The following CHODL variants were observed in gnomAD, a reference collection of about 807,000 sequenced individuals.
CHODL encodes the protein transmembrane protein MT75.
Under a neutral mutation model 34.5 loss-of-function variants are expected in CHODL, and 29 were observed. The ratio of observed to expected loss-of-function variants is 0.84; its 90% CI spans 0.63 to 1.15. The LOEUF (loss-of-function observed/expected upper bound fraction) is 1.15, where lower values mean the gene tolerates loss of function less well. Ranked by LOEUF, CHODL falls within the 50% of genes most tolerant of loss-of-function variation. CHODL has a pLI of 0.00. For synonymous variants in CHODL, 125 were observed against 116.1 expected (o/e 1.08, Z -0.49); for missense variants, 332 against 332.5 (o/e 1.00, Z 0.01).
rs2146419584 is a variant in CHODL at position 18,016,290 on chromosome 21, A to T, written c.-144-11582A>T. Reference sequence around the variant, plus strand: ...GCTGCTTCAGCTATGGCCATGGCTAAAAGGGGCCAAGGTGGAGCTCAGGCT... The same window carrying T: ...GCTGCTTCAGCTATGGCCATGGCTATAAGGGGCCAAGGTGGAGCTCAGGCT... On this transcript the variant is annotated intron_variant, in intron 1 of 6. Transcript: ENST00000400127. Among the ~76,000 whole-genome samples, 2 of 152,306 alleles carry T rather than the reference A, an allele frequency of 1.3e-5. 1 individual carries two copies. Among genetic ancestry groups the T allele is most frequent in the South Asian group, 4.1e-4 (2 of 4,822 alleles).
rs187804471 is a variant in CHODL at position 18,257,270 on chromosome 21, G to A, written c.547+143G>A. 3.5e-4 allele frequency: 244 copies of A among 706,914 alleles called. 2 individuals are homozygous for A. Among genetic ancestry groups the A allele is most frequent in the South Asian group, 3.2e-3 (152 of 48,024 alleles). 43.8% of individuals were successfully genotyped at this position (706,914 alleles called of 1,614,324 possible). ...TACCTTGCAGTTTCTCATATCACTC[G>A]TGTAATGAAGCATATCATATGCTGT... On this transcript the variant is annotated intron_variant, in intron 3 of 5. Transcript: ENST00000299295.
intron 1 of CHODL, among the ~76,000 whole-genome samples, chr21:17,979,310 T>C (rs1398379359): frequency 6.6e-6 from 1 of 152,188 alleles, no homozygotes; most frequent in Admixed American, 6.5e-5. Flanking sequence ...TTAGATCAAA[T>C]TTGCTGTAAG....
At chr21:17,941,436 C>G (rs2063362605) in intron 1 of CHODL, among the ~76,000 whole-genome samples, 1 of 147,956 alleles carries the variant, frequency 6.8e-6, no homozygotes. Context: ...TGCATAAATT[C>G]AGGAGCTGGG....
chr21:18,051,235 C>T (rs1285167967), intron 2 of CHODL, among the ~76,000 whole-genome samples: 1 of 151,840 alleles, frequency 6.6e-6, no homozygotes, highest in Non-Finnish European at 1.5e-5. Context: ...CAGCTTCATC[C>T]ATGTCCCTGC....
chr21:18,265,417 C>T (rs2074446990), intron 5 of CHODL, among the ~76,000 whole-genome samples: 1 of 151,790 alleles, frequency 6.6e-6, no homozygotes, highest in African/African-American at 2.4e-5. Flanking sequence ...TGAAGTAATA[C>T]AGGAATGAAA....
intron 1 of CHODL, among the ~76,000 whole-genome samples, chr21:17,943,771 T>C (rs2063384342): frequency 6.6e-6 from 1 of 152,208 alleles, no homozygotes; most frequent in Non-Finnish European, 1.5e-5. Context: ...AGGATTTTCC[T>C]GGACTCAGTT....
chr21:18,232,942 G>GATATATATATATATATATATATAT (rs371388519), intron 2 of CHODL, among the ~76,000 whole-genome samples: 16 of 119,402 alleles, frequency 1.3e-4, no homozygotes, highest in African/African-American at 5.5e-4. Context: ...ATGATGTTAT[G>GATATATATATATATATATATATAT]ATATATATAT....
At chr21:18,163,669 A>G (rs1425011280) in intron 2 of CHODL, among the ~76,000 whole-genome samples, 2 of 152,166 alleles carry the variant, frequency 1.3e-5, no homozygotes, top group Non-Finnish European at 2.9e-5. Flanking sequence ...ATTATAGTAC[A>G]TTTGCTAACT....
At chr21:18,218,660 C>T (rs550022020) in intron 2 of CHODL, among the ~76,000 whole-genome samples, 4 of 152,280 alleles carry the variant, frequency 2.6e-5, no homozygotes, top group African/African-American at 4.8e-5. Flanking sequence ...TTTCCTATTT[C>T]GTTGCCAGGC....
intron 2 of CHODL, among the ~76,000 whole-genome samples, chr21:18,157,827 A>G (rs2073052040): frequency 6.6e-6 from 1 of 152,226 alleles, no homozygotes; most frequent in Non-Finnish European, 1.5e-5. Context: ...GTCATAATCT[A>G]TATAATATAA....
At position 18,265,369 on chromosome 21, in the gene CHODL, A is replaced by G. The variant is rs527545474; in HGVS notation, c.738-585A>G. ...ACAAAGGAGTGAATTAACGGCATTC[A>G]CAGCGACCTGGGTAATACTGGAGAC... On this transcript the variant is annotated intron_variant, in intron 5 of 5. Coordinates refer to ENST00000299295, the MANE Select transcript of CHODL (RefSeq NM_024944.3). 1.3e-3 allele frequency among the ~76,000 whole-genome samples: 195 copies of G among 151,988 alleles called. 3 individuals are homozygous for G. The South Asian group carries it at 0.018, about 14-fold the overall frequency.
At chr21:18,222,920 G>A (rs1015346960) in intron 2 of CHODL, among the ~76,000 whole-genome samples, 1 of 152,190 alleles carries the variant, frequency 6.6e-6, no homozygotes, top group African/African-American at 2.4e-5. Flanking sequence ...ACACAAGGAT[G>A]CAAGGAGATT....
chr21:18,109,828 C>T (rs895427581), intron 2 of CHODL, among the ~76,000 whole-genome samples: 1 of 151,892 alleles, frequency 6.6e-6, no homozygotes, highest in African/African-American at 2.4e-5. Flanking sequence ...AGACAGAGTA[C>T]CTGGAAAGAG....
At chr21:18,024,735 A>G (rs2064157515) in intron 1 of CHODL, 1 of 152,164 alleles carries the variant, frequency 6.6e-6, no homozygotes, top group Non-Finnish European at 1.5e-5. Flanking sequence ...GTCCTGTTGT[A>G]TTGAGTATCA....
intron 1 of CHODL, among the ~76,000 whole-genome samples, chr21:17,976,377 C>A (rs1443113957): frequency 6.9e-6 from 1 of 144,706 alleles, no homozygotes; most frequent in Non-Finnish European, 1.5e-5. Flanking sequence ...ATAATGGATT[C>A]TTTTCATTTG....
intron 2 of CHODL, among the ~76,000 whole-genome samples, chr21:18,149,283 A>G (rs558721702): frequency 1.3e-5 from 2 of 152,186 alleles, no homozygotes; most frequent in African/African-American, 2.4e-5. Flanking sequence ...TGAATGGACC[A>G]TCCTCACACA....
intron 2 of CHODL, among the ~76,000 whole-genome samples, chr21:18,174,583 T>A (rs868626806): frequency 6.6e-6 from 1 of 152,148 alleles, no homozygotes; most frequent in African/African-American, 2.4e-5. Context: ...CTTTTGGAGA[T>A]AACTAATGGA....
intron 1 of CHODL, among the ~76,000 whole-genome samples, chr21:18,006,327 C>A (rs559875462): frequency 2.6e-4 from 40 of 151,520 alleles, no homozygotes; most frequent in African/African-American, 8.2e-4. Context: ...ATGTAAGAAA[C>A]CTGCACATGC....
At chr21:18,200,836 G>T (rs1295274157) in intron 2 of CHODL, among the ~76,000 whole-genome samples, 2 of 152,184 alleles carry the variant, frequency 1.3e-5, no homozygotes, top group African/African-American at 2.4e-5. Flanking sequence ...ATCAAAAAGA[G>T]AGAGAAGGTC....
Sources: gnomAD v4.1 joint callset for allele counts (sites outside exome capture counted in the v4.1 genomes callset) on GRCh38, gnomAD v4.1.1 for gene constraint, MANE v1.5 for transcripts, NCBI Gene and HGNC (gene_info 2026-07-23, HGNC 2026-07-21) for gene names.